FYN: variants seen among roughly 807,000 people sequenced by gnomAD.
The protein encoded by FYN is FYN proto-oncogene, Src family tyrosine kinase, also known as tyrosine-protein kinase Fyn.
Under a neutral mutation model 70.2 loss-of-function variants are expected in FYN, and 10 were observed. The ratio of observed to expected loss-of-function variants is 0.14; its 90% CI spans 0.09 to 0.24. The LOEUF (loss-of-function observed/expected upper bound fraction) is 0.24, where lower values mean the gene tolerates loss of function less well. FYN is among the 10% of genes least tolerant of loss of function. The pLI, the probability that FYN is intolerant of heterozygous loss-of-function variation, is 1.00. For synonymous variants in FYN, 236 were observed against 248.6 expected (o/e 0.95, Z 0.48); for missense variants, 319 against 673.1 (o/e 0.47, Z 5.82).
chr6:111,738,571 C>G (rs1355757831), intron 3 of FYN, among the ~76,000 whole-genome samples: 2 of 152,220 alleles, frequency 1.3e-5, no homozygotes, highest in Admixed American at 6.5e-5. Flanking sequence ...TATCAGCATG[C>G]TTTTGCTCAC....
chr6:111,843,905 G>C (rs150368304), intron 2 of FYN, among the ~76,000 whole-genome samples: 124 of 152,180 alleles, frequency 8.1e-4, no homozygotes, highest in Middle Eastern at 6.8e-3. Context: ...GAGTGTCAAG[G>C]AAGAGCTCTC....
At chr6:111,689,309 T>C (rs1652849130) in intron 12 of FYN, among the ~76,000 whole-genome samples, 1 of 152,214 alleles carries the variant, frequency 6.6e-6, no homozygotes, top group Admixed American at 6.5e-5. Flanking sequence ...CTAGGCTGCC[T>C]CACTAGCAGC....
intron 2 of FYN, among the ~76,000 whole-genome samples, chr6:111,842,341 G>A (rs1773387076): frequency 6.6e-6 from 1 of 152,186 alleles, no homozygotes; most frequent in African/African-American, 2.4e-5. Flanking sequence ...GGGTTCAGAG[G>A]CACCAGAAGC....
chr6:111,679,975 C>T (rs1244261323), intron 12 of FYN, among the ~76,000 whole-genome samples: 1 of 152,024 alleles, frequency 6.6e-6, no homozygotes, highest in African/African-American at 2.4e-5. Context: ...GTGGAAAATC[C>T]TTAATAGACT....
At chr6:111,747,061 C>T (rs1336337483) in intron 3 of FYN, among the ~76,000 whole-genome samples, 1 of 152,176 alleles carries the variant, frequency 6.6e-6, no homozygotes, top group African/African-American at 2.4e-5. Context: ...AATGTGTCCA[C>T]AGAAACCTAC....
chr6:111,761,168 T>C (rs1279566155), intron 3 of FYN, among the ~76,000 whole-genome samples: 3 of 152,202 alleles, frequency 2.0e-5, no homozygotes, highest in African/African-American at 7.2e-5. Flanking sequence ...TAGCACTTGG[T>C]GGCACTTGTT....
intron 1 of FYN, among the ~76,000 whole-genome samples, chr6:111,851,821 A>G (rs1773693694): frequency 6.6e-6 from 1 of 152,148 alleles, no homozygotes; most frequent in Non-Finnish European, 1.5e-5. Flanking sequence ...CCTCCAAAGA[A>G]GACAGCCACA....
At chr6:111,798,663 T>C (rs1562525661) in intron 2 of FYN, among the ~76,000 whole-genome samples, 1 of 141,520 alleles carries the variant, frequency 7.1e-6, no homozygotes, top group Admixed American at 6.9e-5. Flanking sequence ...GCTCTGACCC[T>C]TCCTGGATGT....
intron 5 of FYN, among the ~76,000 whole-genome samples, chr6:111,712,431 G>A (rs1037665056): frequency 6.6e-5 from 10 of 152,136 alleles, no homozygotes; most frequent in African/African-American, 2.4e-4. Context: ...CCCAGCCCCA[G>A]TCAACTCTCC....
intron 2 of FYN, among the ~76,000 whole-genome samples, chr6:111,804,650 G>C (rs973217654): frequency 3.3e-5 from 5 of 152,098 alleles, no homozygotes; most frequent in Non-Finnish European, 5.9e-5. Flanking sequence ...CACATAATCA[G>C]CCTCTTGGTA....
chr6:111,709,848 G>C (rs769102866), intron 5 of FYN, among the ~76,000 whole-genome samples: 2 of 152,098 alleles, frequency 1.3e-5, no homozygotes, highest in Non-Finnish European at 1.5e-5. Flanking sequence ...CCCTCTCTTT[G>C]AGGTTCAAAT....
chr6:111,799,836 T>C lies in FYN; in HGVS notation c.-81-19201A>G, dbSNP rs374869013. Among the ~76,000 whole-genome samples, 187 of 152,278 alleles carry C rather than the reference T, an allele frequency of 1.2e-3. 1 individual carries two copies. Among genetic ancestry groups the C allele is most frequent in the African/African-American group, 4.2e-3 (175 of 41,558 alleles). On this transcript the variant is annotated intron_variant, in intron 2 of 13. Coordinates refer to ENST00000354650, the MANE Select transcript of FYN (RefSeq NM_002037.5). ...ACCCATGCCTTGTCCACCCTTGTTATGTGGGAGTCCCGCACACGCCAGCTC... is the reference window on the plus strand; with the variant it reads ...ACCCATGCCTTGTCCACCCTTGTTACGTGGGAGTCCCGCACACGCCAGCTC...
At chr6:111,663,641 T>A (rs953494084) in intron 13 of FYN, among the ~76,000 whole-genome samples, 1 of 152,216 alleles carries the variant, frequency 6.6e-6, no homozygotes, top group Non-Finnish European at 1.5e-5. Context: ...AATGCAATTA[T>A]TGTAAAATAA....
At chr6:111,663,642 T>G (rs1797868229) in intron 13 of FYN, among the ~76,000 whole-genome samples, 1 of 152,222 alleles carries the variant, frequency 6.6e-6, no homozygotes, top group Admixed American at 6.5e-5. Context: ...ATGCAATTAT[T>G]GTAAAATAAC....
At chr6:111,757,378 G>A (rs1054534435) in intron 3 of FYN, among the ~76,000 whole-genome samples, 3 of 152,106 alleles carry the variant, frequency 2.0e-5, no homozygotes, top group African/African-American at 7.2e-5. Flanking sequence ...TAATTTCATG[G>A]AAGACCTACA....
chr6:111,691,592 C>A (rs1799319967), intron 12 of FYN, among the ~76,000 whole-genome samples: 1 of 152,144 alleles, frequency 6.6e-6, no homozygotes, highest in African/African-American at 2.4e-5. Context: ...CACACCAGGC[C>A]CTTTCTGCCT....
Position 111,687,403 on chromosome 6 carries a change from C to A in FYN, c.1273+6972G>T, listed in dbSNP as rs370448792. Among the ~76,000 whole-genome samples, 282 of 152,198 alleles carry A rather than the reference C, an allele frequency of 1.9e-3. 2 individuals carry two copies. The highest frequency in any genetic ancestry group is 6.5e-3 in the African/African-American group (269 of 41,516). On this transcript the variant is annotated intron_variant, in intron 12 of 13. Transcript: ENST00000354650. The stretch of plus-strand genomic sequence containing the variant: ...GAATGTTCCTATTTTTATTTACAGT[C>A]CAAAGATCCAAAGATTATGTTTCCT...
chr6:111,702,729 A>G (rs1235455792), intron 8 of FYN, 156 bp downstream of exon 8: 15 of 596,088 alleles, frequency 2.5e-5, no homozygotes, highest in Non-Finnish European at 3.7e-5. Flanking sequence ...AATAGAACCT[A>G]TACAGCCAAG....
intron 3 of FYN, among the ~76,000 whole-genome samples, chr6:111,740,066 C>A (rs945668514): frequency 8.5e-6 from 1 of 117,606 alleles, no homozygotes; most frequent in Admixed American, 9.7e-5. Context: ...TTGTGATCCA[C>A]CCACTCGGTC....
Sources: allele counts gnomAD v4.1 joint callset (sites outside exome capture counted in the v4.1 genomes callset), GRCh38; gene constraint gnomAD v4.1.1; transcripts MANE v1.5; gene names NCBI Gene and HGNC (gene_info 2026-07-23, HGNC 2026-07-21).